The following CNKSR1 variants were observed in gnomAD, a reference collection of about 807,000 sequenced individuals.
The protein encoded by CNKSR1 is connector enhancer of kinase suppressor of Ras 1.
CNKSR1 carries 88 observed loss-of-function variants against 95.6 expected under a neutral mutation model. The observed-to-expected ratio is 0.92, with a 90% CI of 0.78 to 1.10. The LOEUF (loss-of-function observed/expected upper bound fraction) is 1.10. Among genes scored for constraint, CNKSR1 ranks in the 50% least tolerant of loss-of-function variants. CNKSR1 has a pLI of 0.00. For missense variants in CNKSR1, 836 were observed against 912.0 expected, an observed-to-expected ratio of 0.92 and a Z score of 1.07; for synonymous variants, 355 against 369.7, an observed-to-expected ratio of 0.96 and a Z score of 0.46.
In CNKSR1 at chr1:26,180,436, C is replaced by G. The variant is rs1026482177; in HGVS notation, c.53-17C>G. 1.7e-5 allele frequency: 28 copies of G among 1,613,418 alleles called. No individual in the cohort carries two copies. Among genetic ancestry groups the G allele is most frequent in the Non-Finnish European group, 2.4e-5 (28 of 1,180,048 alleles). ...GACACCTCTGCTTCCCCGAGCTGAGCCTTACTCTCCCTCCAGGTCTTGACG... is the reference window on the plus strand; with the variant it reads ...GACACCTCTGCTTCCCCGAGCTGAGGCTTACTCTCCCTCCAGGTCTTGACG... On this transcript the variant is annotated splice_polypyrimidine_tract_variant and intron_variant, in intron 1 of 20. Coordinates refer to ENST00000361530, the MANE Select transcript of CNKSR1 (RefSeq NM_006314.3).
chr1:26,183,026 G>A (rs549311064), intron 6 of CNKSR1, among the ~76,000 whole-genome samples, 171 bp from the exon 7 acceptor site: 2 of 152,216 alleles, frequency 1.3e-5, no homozygotes, highest in East Asian at 3.9e-4. Context: ...GAAGGCAGAG[G>A]CCCACAGGAG....
intron 6 of CNKSR1, 55 bp downstream of exon 6, chr1:26,182,639 C>T (rs2088666948): frequency 1.4e-6 from 2 of 1,464,670 alleles, no homozygotes; most frequent in East Asian, 2.4e-5. Context: ...CTTGTCTGGG[C>T]CCTGAAATAG....
At chr1:26,188,178 C>A in intron 16 of CNKSR1, 56 bp from the exon 17 acceptor site, 1 of 1,457,068 alleles carries the variant, frequency 6.9e-7, no homozygotes, top group Non-Finnish European at 9.6e-7. Flanking sequence ...AAGCCCCCAG[C>A]ATACAAGAGG....
chr1:26,182,323 G>A (rs757298491), intron 4 of CNKSR1, 38 bp from the exon 5 acceptor site: 1 of 1,610,542 alleles, frequency 6.2e-7, no homozygotes, highest in Non-Finnish European at 8.5e-7. Flanking sequence ...TATGGCCCTT[G>A]CTCAGGGGAG....
chr1:26,187,616 T>TTC, intron 16 of CNKSR1, 134 bp downstream of exon 16: 1 of 739,286 alleles, frequency 1.4e-6, no homozygotes, highest in Non-Finnish European at 2.2e-6. Context: ...TCACTTCTCT[T>TTC]TCTCTTTTTT....
chr1:26,186,503 C>G (rs1376652834), intron 14 of CNKSR1, among the ~76,000 whole-genome samples: 4 of 152,074 alleles, frequency 2.6e-5, no homozygotes, highest in Non-Finnish European at 4.4e-5. Flanking sequence ...GAGACGCAGT[C>G]TCGCTCTGTT....
Position 26,189,362 on chromosome 1 carries a change from G to A in CNKSR1, c.1956G>A (p.Glu652=). The A allele has an allele frequency of 6.2e-7, 1 of 1,614,206 alleles. No individual in the cohort carries two copies. The highest frequency in any genetic ancestry group is 8.5e-7 in the Non-Finnish European group (1 of 1,180,032). Residue 652 remains glutamate, a synonymous_variant, in exon 21 of 21, where the codon GAG becomes GAA. Transcript: ENST00000361530. ...GAGAGAAGTTCCGCCAGTGGAAGGA[G>A]CAGAACCGGGAGCTGTACTCAGAGG... ...LTGEKFRQWK[E]QNRELYSEGL...
chr1:26,182,867 G>A (rs1002506511), intron 6 of CNKSR1, among the ~76,000 whole-genome samples: 1 of 152,186 alleles, frequency 6.6e-6, no homozygotes, highest in Non-Finnish European at 1.5e-5. Flanking sequence ...GGGAGAGGAT[G>A]TGACCTTTCT....
At chr1:26,177,625 G>T (rs752189159) in intron 1 of CNKSR1, 26 bp downstream of exon 1, 2 of 1,613,636 alleles carry the variant, frequency 1.2e-6, no homozygotes, top group Admixed American at 3.3e-5. Flanking sequence ...GTAGAGTTGG[G>T]CTTGAAGGGG....
At position 26,182,258 on chromosome 1, in the gene CNKSR1, G is replaced by C. The variant is rs1569875932; in HGVS notation, c.478-103G>C. 2.5e-6 allele frequency: 3 copies of C among 1,191,456 alleles called. No individual in the cohort carries two copies. In the East Asian group the frequency reaches 7.0e-5, roughly 28 times the overall value. The allele number at this position is 1,191,456 out of a possible 1,614,324, so 73.8% of individuals were successfully genotyped here. A position where few individuals can be genotyped will look rare whatever the true frequency, so the allele number is the denominator to read the frequency against. On this transcript the variant is annotated intron_variant, in intron 4 of 20. Coordinates refer to ENST00000361530, the MANE Select transcript of CNKSR1 (RefSeq NM_006314.3). Reference sequence around the variant, plus strand: ...CTGGGCAGGGGGCCAGTGTAGGGAAGGCAGGGAGGGACTGTACGGAATCCC... The same window carrying C: ...CTGGGCAGGGGGCCAGTGTAGGGAACGCAGGGAGGGACTGTACGGAATCCC...
At chr1:26,178,645 C>T (rs1341027147) in intron 1 of CNKSR1, among the ~76,000 whole-genome samples, 1 of 152,110 alleles carries the variant, frequency 6.6e-6, no homozygotes, top group African/African-American at 2.4e-5. Context: ...TTCAGACTCC[C>T]AGGCTGGATT....
chr1:26,189,584 G>A lies in CNKSR1; in HGVS notation c.*36G>A, dbSNP rs181741272. On this transcript the variant is annotated 3_prime_UTR_variant, in exon 21 of 21. Transcript: ENST00000361530. ...CACTCTAGCTCCTGACCTTTGACCCGAGGGCCACCTCAACCCCAGCTTCTG... is the reference window on the plus strand; with the variant it reads ...CACTCTAGCTCCTGACCTTTGACCCAAGGGCCACCTCAACCCCAGCTTCTG... 51 of 1,053,510 alleles carry A rather than the reference G, an allele frequency of 4.8e-5. 1 individual carries two copies. Among genetic ancestry groups the A allele is most frequent in the South Asian group, 4.5e-4 (36 of 79,904 alleles). The allele number at this position is 1,053,510 out of a possible 1,614,324, so 65.3% of individuals were successfully genotyped here.
At chr1:26,179,251 G>T (rs191098236) in intron 1 of CNKSR1, among the ~76,000 whole-genome samples, 1 of 152,102 alleles carries the variant, frequency 6.6e-6, no homozygotes, top group Non-Finnish European at 1.5e-5. Flanking sequence ...GGGAAAGACC[G>T]ATGGTCAAGT....
intron 11 of CNKSR1, 38 bp downstream of exon 11, chr1:26,184,325 T>G: frequency 6.2e-7 from 1 of 1,607,982 alleles, no homozygotes; most frequent in Non-Finnish European, 8.5e-7. Flanking sequence ...GGACACGGCA[T>G]CTGGGCACCC....
In CNKSR1 at chr1:26,183,726, C is replaced by G. The variant is rs1337383867; in HGVS notation, c.754-3C>G. 1 of 1,606,872 alleles carries G rather than the reference C, an allele frequency of 6.2e-7. No individual in the cohort carries two copies. The highest frequency in any genetic ancestry group is 8.5e-7 in the Non-Finnish European group (1 of 1,173,652). ...GATACCAGCCAGTGTTTCTGTCCCC[C>G]AGGTGGGATGGCCCCGTAAGAACAT... On this transcript the variant is annotated splice_polypyrimidine_tract_variant and splice_region_variant and intron_variant, in intron 8 of 20. Coordinates refer to ENST00000361530, the MANE Select transcript of CNKSR1 (RefSeq NM_006314.3).
In CNKSR1 at chr1:26,184,907, G is replaced by A. The variant is rs115359670; in HGVS notation, c.1136-107G>A. 2.3e-3 allele frequency: 2,672 copies of A among 1,160,526 alleles called. 52 individuals are homozygous for A. The African/African-American group carries it at 0.037, about 16-fold the overall frequency. The allele number at this position is 1,160,526 out of a possible 1,614,324, so 71.9% of individuals were successfully genotyped here. On this transcript the variant is annotated intron_variant, in intron 13 of 20. Transcript: ENST00000361530. ...ACACATGTAGCATTCTGAGCAGAGT[G>A]TGGGTTCAGAGATCTCACTTGGGGA...
rs373991299 is a variant in CNKSR1, at chr1:26,182,373, G to A, written c.490G>A (p.Ala164Thr). 3.1e-6 allele frequency: 5 copies of A among 1,613,970 alleles called. No homozygotes were observed. The highest frequency in any genetic ancestry group is 2.2e-5 in the East Asian group (1 of 44,878). ...ATTCTACTTCCAGGATGGTCCAGCG[G>A]CTGAGAAGGAGGGCACAGTCCTGAG... ...SQVLHEDGPA[A>T]EKEGTVLRIC... The change falls in exon 5 of 21, where the codon GCT (alanine) becomes ACT (threonine). Residue 164 changes from alanine to threonine, a missense_variant. Coordinates refer to ENST00000361530, the MANE Select transcript of CNKSR1 (RefSeq NM_006314.3).
In CNKSR1 at chr1:26,189,872, A is replaced by G. The variant is rs1273715879; in HGVS notation, c.*324A>G. ...GCTACTTTCCAACCAAATAAAGTCA[A>G]TTTTTCTAAGAATGAGTCTACATGT... On this transcript the variant is annotated 3_prime_UTR_variant, in exon 21 of 21. Transcript: ENST00000361530. 2 of 549,092 alleles carry G rather than the reference A, an allele frequency of 3.6e-6. No individual in the cohort carries two copies. The highest frequency in any genetic ancestry group is 1.8e-5 in the South Asian group (1 of 54,074). 34.0% of individuals were successfully genotyped at this position (549,092 alleles called of 1,614,324 possible). A position where few individuals can be genotyped will look rare whatever the true frequency, so the allele number is the denominator to read the frequency against.
intron 4 of CNKSR1, 98 bp from the exon 5 acceptor site, chr1:26,182,263 G>A: frequency 8.0e-7 from 1 of 1,242,448 alleles, no homozygotes; most frequent in Admixed American, 1.7e-5. Context: ...GGGAAGGCAG[G>A]GAGGGACTGT....
Sources: gnomAD v4.1 joint callset for allele counts (sites outside exome capture counted in the v4.1 genomes callset) on GRCh38, gnomAD v4.1.1 for gene constraint, MANE v1.5 for transcripts, NCBI Gene and HGNC (gene_info 2026-07-23, HGNC 2026-07-21) for gene names.